FAM153A: variants seen among roughly 807,000 people sequenced by gnomAD.
FAM153A encodes protein FAM153A.
A neutral mutation model predicts 48.1 loss-of-function variants in FAM153A; 12 were observed. The ratio of observed to expected loss-of-function variants is 0.25; its 90% confidence interval spans 0.16 to 0.40. The LOEUF is 0.40. Ranked by LOEUF, FAM153A falls within the 10% of genes least tolerant of loss-of-function variation. The pLI, the probability that FAM153A is intolerant of heterozygous loss-of-function variation, is 1.00. For missense variants in FAM153A, 111 were observed against 345.8 expected, an observed-to-expected ratio of 0.32 and a Z score of 5.38; for synonymous variants, 36 against 118.2, an observed-to-expected ratio of 0.30 and a Z score of 4.51.
At chr5:177,736,374 G>A (rs555135039) in intron 12 of FAM153A, among the ~76,000 whole-genome samples, 1 of 148,612 alleles carries the variant, frequency 6.7e-6, no homozygotes, top group East Asian at 2.0e-4. Context: ...CACCTTAGAT[G>A]ACACTGCTGC....
the FAM153A span, among the ~76,000 whole-genome samples, chr5:177,700,646 A>G: frequency 1.3e-5 from 2 of 151,810 alleles, no homozygotes; most frequent in Non-Finnish European, 2.9e-5. Flanking sequence ...TACTAAAAAT[A>G]TAAACATTAG....
intron 25 of FAM153A, among the ~76,000 whole-genome samples, chr5:177,715,227 C>T (rs1367631333): frequency 6.6e-6 from 1 of 151,832 alleles, no homozygotes; most frequent in East Asian, 1.9e-4. Flanking sequence ...TGTGATCCGT[C>T]TGCCTCAGCC....
At chr5:177,776,654 G>C (rs1769339167) in intron 1 of FAM153A, among the ~76,000 whole-genome samples, 1 of 54,250 alleles carries the variant, frequency 1.8e-5, no homozygotes, top group Non-Finnish European at 3.4e-5. Context: ...TGGGTAGGAA[G>C]AATCAATATC....
the FAM153A span, among the ~76,000 whole-genome samples, chr5:177,696,030 G>GGT: frequency 1.5e-5 from 2 of 134,272 alleles, no homozygotes; most frequent in African/African-American, 6.1e-5. Context: ...TTCCTAGATG[G>GGT]GGCGGCCGGG....
downstream of FAM153A, among the ~76,000 whole-genome samples, chr5:177,708,888 A>G (rs1015272231): frequency 2.0e-5 from 3 of 151,450 alleles, no homozygotes; most frequent in African/African-American, 7.3e-5. Context: ...AAGTCAAGAG[A>G]TCGAGACCAT....
At chr5:177,752,618 CAAAAA>C (rs71274705) in intron 1 of FAM153A, among the ~76,000 whole-genome samples, 2 of 31,016 alleles carry the variant, frequency 6.4e-5, no homozygotes, top group African/African-American at 4.4e-4. Context: ...GAGACTCTGC[CAAAAA>C]AAAAAAAAAA....
At chr5:177,776,529 A>C (rs1769327702) in intron 1 of FAM153A, among the ~76,000 whole-genome samples, 1 of 75,956 alleles carries the variant, frequency 1.3e-5, no homozygotes, top group Non-Finnish European at 2.6e-5. Context: ...CAAAGAGAAT[A>C]AAATACCTAG....
At chr5:177,706,491 G>A (rs1474359275), downstream of FAM153A, among the ~76,000 whole-genome samples, 3 of 151,926 alleles carry the variant, frequency 2.0e-5, no homozygotes, top group Non-Finnish European at 4.4e-5. Flanking sequence ...GAGCCACTGC[G>A]CCCAGCCAAA....
intron 1 of FAM153A, among the ~76,000 whole-genome samples, chr5:177,758,663 A>G (rs1162705316): frequency 6.6e-6 from 1 of 150,518 alleles, no homozygotes; most frequent in Non-Finnish European, 1.5e-5. Flanking sequence ...GCCCTCAGAA[A>G]TAATGCCACA....
chr5:177,754,498 C>T (rs1365421102), upstream of FAM153A, among the ~76,000 whole-genome samples: 4 of 151,822 alleles, frequency 2.6e-5, no homozygotes, highest in African/African-American at 4.9e-5. Flanking sequence ...GTGGTTCTCC[C>T]GGCACACAGT....
chr5:177,699,405 G>C, the FAM153A span, among the ~76,000 whole-genome samples: 1 of 151,634 alleles, frequency 6.6e-6, no homozygotes, highest in African/African-American at 2.4e-5. Flanking sequence ...ACCAGAAGTT[G>C]GTTCTTTGAA....
rs1327772178 is a variant in FAM153A, at chr5:177,771,270, T to G, written c.-57+9179A>C. On this transcript the variant is annotated intron_variant, in intron 1 of 8. Coordinates refer to the FAM153A transcript ENST00000393518. The stretch of plus-strand genomic sequence containing the variant: ...TAAAAGACCATTTTTATTCTAATTT[T>G]AACTCAGAAATTATTATGCTTATTC... 9.2e-5 allele frequency among the ~76,000 whole-genome samples: 9 copies of G among 97,750 alleles called. 4 individuals are homozygous for G. Among genetic ancestry groups the G allele is most frequent in the African/African-American group, 3.6e-4 (9 of 24,698 alleles). 64.1% of individuals were successfully genotyped at this position (97,750 alleles called of 152,430 possible). A position where few individuals can be genotyped will look rare whatever the true frequency, so the allele number is the denominator to read the frequency against.
At chr5:177,711,292 C>G (rs1164544769) in exon 27 of FAM153A, 2 of 151,844 alleles carry the variant, frequency 1.3e-5, no homozygotes, top group Non-Finnish European at 2.9e-5. Context: ...ATAACCACCA[C>G]AACAATAAGA....
chr5:177,754,669 G>T (rs1430848442), upstream of FAM153A, among the ~76,000 whole-genome samples: 3 of 151,862 alleles, frequency 2.0e-5, no homozygotes, highest in South Asian at 2.1e-4. Flanking sequence ...AGCATCATTT[G>T]CTGTTCCTCA....
chr5:177,710,435 T>C (rs1354953402), downstream of FAM153A, among the ~76,000 whole-genome samples: 1 of 151,720 alleles, frequency 6.6e-6, no homozygotes, highest in African/African-American at 2.4e-5. Flanking sequence ...AAATCTTGTA[T>C]ATTGATTTCA....
At chr5:177,761,297 C>T (rs1265755617) in intron 1 of FAM153A, among the ~76,000 whole-genome samples, 8 of 151,556 alleles carry the variant, frequency 5.3e-5, no homozygotes, top group South Asian at 2.1e-4. Flanking sequence ...AAACTGCCAA[C>T]GAGGTTACAA....
downstream of FAM153A, among the ~76,000 whole-genome samples, chr5:177,703,218 G>A (rs1696907): frequency 1.7e-3 from 249 of 143,496 alleles, 2 homozygotes; most frequent in Middle Eastern, 3.5e-3. Context: ...GGGAGTCCAC[G>A]CCTTCCATCA....
At chr5:177,710,800 T>C (rs1299351115), downstream of FAM153A, among the ~76,000 whole-genome samples, 1 of 144,786 alleles carries the variant, frequency 6.9e-6, no homozygotes, top group Non-Finnish European at 1.5e-5. Context: ...GGATTACAGG[T>C]GCCAGCCACC....
downstream of FAM153A, among the ~76,000 whole-genome samples, chr5:177,704,311 C>T (rs1403435908): frequency 0.015 from 939 of 64,496 alleles, 5 homozygotes; most frequent in Non-Finnish European, 0.02. Context: ...ACCATGGAGG[C>T]GGTTTCTCTG....
Sources: gnomAD v4.1 joint callset for allele counts (sites outside exome capture counted in the v4.1 genomes callset) on GRCh38, gnomAD v4.1.1 for gene constraint, MANE v1.5 for transcripts, NCBI Gene and HGNC (gene_info 2026-07-23, HGNC 2026-07-21) for gene names.